The following PPP4R3A variants were observed in gnomAD, a reference collection of about 807,000 sequenced individuals.
PPP4R3A encodes serine/threonine-protein phosphatase 4 regulatory subunit 3A.
Under a neutral mutation model 91.7 loss-of-function variants are expected in PPP4R3A, and 15 were observed. That is an observed-to-expected ratio of 0.16 (90% CI 0.11 to 0.25). The LOEUF (loss-of-function observed/expected upper bound fraction) is 0.25, where lower values mean the gene tolerates loss of function less well. Among genes scored for constraint, PPP4R3A ranks in the 10% least tolerant of loss-of-function variants. The pLI is 1.00. For synonymous variants in PPP4R3A, 377 were observed against 348.7 expected, an observed-to-expected ratio of 1.08 and a Z score of -0.91; for missense variants, 623 against 998.4, an observed-to-expected ratio of 0.62 and a Z score of 5.07.
intron 1 of PPP4R3A, among the ~76,000 whole-genome samples, chr14:91,504,602 C>T (rs1041170137): frequency 9.1e-5 from 12 of 132,464 alleles, no homozygotes; most frequent in African/African-American, 3.3e-4. Context: ...AACACTGACT[C>T]AAAAAAAAAA....
At position 91,489,099 on chromosome 14, in the gene PPP4R3A, G is replaced by A. The variant is rs553197445; in HGVS notation, c.198+1648C>T. ...ATTTTTTGTATATTTAGTAGAGACGGGGTTTCACCGTGTTAGCCAGGATGG... is the reference window on the plus strand; with the variant it reads ...ATTTTTTGTATATTTAGTAGAGACGAGGTTTCACCGTGTTAGCCAGGATGG... On this transcript the variant is annotated intron_variant, in intron 2 of 14. Transcript: ENST00000554943. Among the ~76,000 whole-genome samples, 137 of 151,964 alleles carry A rather than the reference G, an allele frequency of 9.0e-4. 1 individual carries two copies. Among genetic ancestry groups the A allele is most frequent in the Middle Eastern group, 3.4e-3 (1 of 294 alleles).
rs529786948 is a variant in PPP4R3A, at chr14:91,505,459, A to AC, written c.142+4046_142+4047insG. On this transcript the variant is annotated intron_variant, in intron 1 of 14. Coordinates refer to ENST00000554943, the MANE Select transcript of PPP4R3A (RefSeq NM_001366432.2). ...AGATTCTGCCTAAAAAAAAAAAAAAAACACACACCATTTATTTCACAGGTA... is the reference window on the plus strand; with the variant it reads ...AGATTCTGCCTAAAAAAAAAAAAAAACACACACACCATTTATTTCACAGGTA... Among the ~76,000 whole-genome samples, 634 of 152,056 alleles carry AC rather than the reference A, an allele frequency of 4.2e-3. 2 individuals are homozygous for AC. The highest frequency in any genetic ancestry group is 0.014 in the Middle Eastern group (4 of 294).
rs950754655 is a variant in PPP4R3A, at chr14:91,458,019, C to G, written c.*740G>C. 1.3e-4 allele frequency: 19 copies of G among 151,870 alleles called. No homozygotes were observed. Among genetic ancestry groups the G allele is most frequent in the African/African-American group, 4.4e-4 (18 of 41,262 alleles). 9.4% of individuals were successfully genotyped at this position (151,870 alleles called of 1,614,324 possible). A position where few individuals can be genotyped will look rare whatever the true frequency, so the allele number is the denominator to read the frequency against. The stretch of plus-strand genomic sequence containing the variant: ...AGCACAACGTTAGGTTATATTACAT[C>G]AAAAAAAGTTTTAATGGTCCCAAAT... On this transcript the variant is annotated 3_prime_UTR_variant, in exon 15 of 15. Coordinates refer to ENST00000554943, the MANE Select transcript of PPP4R3A (RefSeq NM_001366432.2).
intron 1 of PPP4R3A, among the ~76,000 whole-genome samples, chr14:91,498,397 AATG>A (rs1000924430): frequency 5.3e-5 from 8 of 151,832 alleles, no homozygotes; most frequent in African/African-American, 1.7e-4. Context: ...ATTTTTTCTT[AATG>A]ATATTTTGTT....
Position 91,473,359 on chromosome 14 carries a change from G to C in PPP4R3A, c.1278C>G (p.Leu426=). The C allele has an allele frequency of 1.2e-6, 2 of 1,610,784 alleles. No homozygotes were observed. Among genetic ancestry groups the C allele is most frequent in the Non-Finnish European group, 1.7e-6 (2 of 1,179,166 alleles). The change falls in exon 8 of 15, where the codon CTC becomes CTG. Residue 426 remains leucine (L), a synonymous_variant. Coordinates refer to ENST00000554943, the MANE Select transcript of PPP4R3A (RefSeq NM_001366432.2). ...EQKITSKDIL[L]INLIIEHMIC... ...TCATATGTTCTATAATGAGGTTGAT[G>C]AGCAAAATATCCTGGAGAGAAAAAT...
chr14:91,493,298 CAG>C lies in PPP4R3A; in HGVS notation c.143-2498_143-2497del, dbSNP rs1191266983. On this transcript the variant is annotated intron_variant, in intron 1 of 14. Coordinates refer to ENST00000554943, the MANE Select transcript of PPP4R3A (RefSeq NM_001366432.2). ...CATCACTGCAATCCAGCCTGGTCAA[CAG>C]AGACTCTGCCTCAAAAAAAAAAAAG... Among the ~76,000 whole-genome samples, 42 of 143,034 alleles carry C rather than the reference CAG, an allele frequency of 2.9e-4. 5 individuals are homozygous for C. Among genetic ancestry groups the C allele is most frequent in the African/African-American group, 1.1e-3 (39 of 35,668 alleles). 93.8% of individuals were successfully genotyped at this position (143,034 alleles called of 152,430 possible).
At chr14:91,500,214 CT>C (rs1158130174) in intron 1 of PPP4R3A, among the ~76,000 whole-genome samples, 2 of 29,166 alleles carry the variant, frequency 6.9e-5, no homozygotes, top group Admixed American at 4.9e-4. Context: ...GCACTCAATA[CT>C]TTTTTTTGAG....
chr14:91,470,967 T>A lies in PPP4R3A; in HGVS notation c.1530A>T (p.Ala510=), dbSNP rs1279693893. ...KDDFQTAQLL[A]LVLELLTFCV... The stretch of plus-strand genomic sequence containing the variant: ...AAAATGTTAACAATTCCAATACAAG[T>A]GCCAATAGTTGGGCAGTCTGAAAAT... The change falls in exon 10 of 15, where the codon GCA becomes GCT. Residue 510 remains alanine, a synonymous_variant. Coordinates refer to ENST00000554943, the MANE Select transcript of PPP4R3A (RefSeq NM_001366432.2). 5.6e-6 allele frequency: 9 copies of A among 1,603,200 alleles called. No homozygotes were observed. Among genetic ancestry groups the A allele is most frequent in the Non-Finnish European group, 7.6e-6 (9 of 1,177,788 alleles).
chr14:91,479,944 T>C (rs1041851542), intron 4 of PPP4R3A, among the ~76,000 whole-genome samples: 5 of 152,234 alleles, frequency 3.3e-5, no homozygotes, highest in African/African-American at 1.2e-4. Flanking sequence ...CTATGTAAAC[T>C]TCTATTTCAG....
rs61752313 is a variant in PPP4R3A at position 91,473,240 on chromosome 14, T to C, written c.1397A>G (p.Asn466Ser). The change falls in exon 8 of 15, where the codon AAT becomes AGT. Residue 466 changes from asparagine to serine, a missense_variant and splice_region_variant. By Grantham distance (46) the Asn-to-Ser change is conservative. Coordinates refer to ENST00000554943, the MANE Select transcript of PPP4R3A (RefSeq NM_001366432.2). ...VDPENMLATA[N>S]KTEKTEFLGF... ...AGAGGGGAAATGCTCATGGCTTACATTGGCAGTGGCTAGCATGTTCTCTGG... is the reference window on the plus strand; with the variant it reads ...AGAGGGGAAATGCTCATGGCTTACACTGGCAGTGGCTAGCATGTTCTCTGG... The C allele has an allele frequency of 1.2e-5, 19 of 1,613,266 alleles. No individual in the cohort carries two copies. Among genetic ancestry groups the C allele is most frequent in the Non-Finnish European group, 1.2e-5 (14 of 1,179,698 alleles).
At chr14:91,460,970 T>G (rs1204881917) in intron 14 of PPP4R3A, among the ~76,000 whole-genome samples, 2 of 152,198 alleles carry the variant, frequency 1.3e-5, no homozygotes, top group Non-Finnish European at 1.5e-5. Flanking sequence ...TTAATTTTCT[T>G]AACAAACCTT....
chr14:91,473,760 C>T (rs1451266332), intron 7 of PPP4R3A, among the ~76,000 whole-genome samples: 2 of 152,082 alleles, frequency 1.3e-5, no homozygotes, highest in African/African-American at 2.4e-5. Flanking sequence ...ATAATACTTT[C>T]GTTGCTTTTA....
At chr14:91,466,131 TAA>T (rs1375757682) in intron 10 of PPP4R3A, 1 of 581,564 alleles carries the variant, frequency 1.7e-6, no homozygotes, top group East Asian at 1.4e-4. Flanking sequence ...GGGAGTTACT[TAA>T]GTCACCATTC....
intron 10 of PPP4R3A, among the ~76,000 whole-genome samples, chr14:91,468,274 T>G (rs1888599702): frequency 6.6e-6 from 1 of 152,174 alleles, no homozygotes; most frequent in Non-Finnish European, 1.5e-5. Context: ...CTCATTAGAT[T>G]ATGAGAAATT....
intron 3 of PPP4R3A, 101 bp downstream of exon 3, chr14:91,485,531 T>A: frequency 1.3e-6 from 1 of 799,546 alleles, no homozygotes; most frequent in Non-Finnish European, 2.0e-6. Context: ...ATTTAAAAGA[T>A]CAATTTGAAA....
At chr14:91,490,571 TA>T (rs1182572343) in intron 2 of PPP4R3A, among the ~76,000 whole-genome samples, 175 bp downstream of exon 2, 1 of 152,202 alleles carries the variant, frequency 6.6e-6, no homozygotes, top group African/African-American at 2.4e-5. Context: ...GCAAGCTTTT[TA>T]AATTTAAAAT....
At position 91,466,940 on chromosome 14, in the gene PPP4R3A, A is replaced by AACTAACACACACACAC. The variant is rs1555434430; in HGVS notation, c.1661-1522_1661-1521insGTGTGTGTGTGTTAGT. On this transcript the variant is annotated intron_variant, in intron 10 of 14. Coordinates refer to ENST00000554943, the MANE Select transcript of PPP4R3A (RefSeq NM_001366432.2). ...TTTGTGGAGACTTGTGTCCTACCAT[A>AACTAACACACACACAC]ACACACACACACACACACACACACC... Among the ~76,000 whole-genome samples the AACTAACACACACACAC allele has an allele frequency of 1.6e-4, 23 of 147,578 alleles. No individual in the cohort carries two copies. The East Asian group carries it at 4.2e-3, about 27-fold the overall frequency.
At chr14:91,476,601 T>C (rs1054044089) in intron 5 of PPP4R3A, 77 bp from the exon 6 acceptor site, 27 of 1,092,164 alleles carry the variant, frequency 2.5e-5, no homozygotes, top group Middle Eastern at 3.0e-4. Context: ...GTCTTGCTCT[T>C]GTTGCCGACG....
chr14:91,460,453 T>A (rs559932285), intron 14 of PPP4R3A, among the ~76,000 whole-genome samples: 4 of 151,986 alleles, frequency 2.6e-5, no homozygotes, highest in African/African-American at 9.6e-5. Context: ...AAAGACTGAA[T>A]GGGCATTACG....
Sources: allele counts gnomAD v4.1 joint callset (sites outside exome capture counted in the v4.1 genomes callset), GRCh38; gene constraint gnomAD v4.1.1; transcripts MANE v1.5; gene names NCBI Gene and HGNC (gene_info 2026-07-23, HGNC 2026-07-21).